Variants in HSD17B4 observed in about 807,000 individuals in gnomAD.
HSD17B4 encodes the protein peroxisomal multifunctional enzyme type 2.
Under a neutral mutation model 101.0 loss-of-function variants are expected in HSD17B4, and 70 were observed. The ratio of observed to expected loss-of-function variants is 0.69; its 90% CI spans 0.57 to 0.85. The LOEUF is 0.85. HSD17B4 is among the 40% of genes least tolerant of loss of function. HSD17B4 has a pLI of 0.00. For missense variants in HSD17B4, 984 were observed against 892.4 expected (o/e 1.10, Z -1.31); for synonymous variants, 347 against 297.1 (o/e 1.17, Z -1.73).
At chr5:119,513,847 G>A (rs951767095) in intron 16 of HSD17B4, among the ~76,000 whole-genome samples, 9 of 152,180 alleles carry the variant, frequency 5.9e-5, no homozygotes, top group African/African-American at 2.2e-4. Context: ...TCGCGGCACT[G>A]TCCATCTTAA....
chr5:119,536,695 G>A, intron 23 of HSD17B4, 145 bp downstream of exon 23: 2 of 739,798 alleles, frequency 2.7e-6, no homozygotes, highest in Non-Finnish European at 2.4e-6. Context: ...TGATACTCTG[G>A]TTGACAGGTC....
chr5:119,499,311 T>C lies in HSD17B4; in HGVS notation c.973-6T>C. On this transcript the variant is annotated splice_region_variant and splice_polypyrimidine_tract_variant and intron_variant, in intron 12 of 23. Coordinates refer to ENST00000510025, the MANE Select transcript of HSD17B4 (RefSeq NM_000414.4). ...GAAATAAATTACTTTTTAAAACTGT[T>C]CTTAGGCTGGAGCTATTGGCCAGAA... 6.3e-7 allele frequency: 1 copy of C among 1,589,640 alleles called. No individual in the cohort carries two copies. The highest frequency in any genetic ancestry group is 8.6e-7 in the Non-Finnish European group (1 of 1,157,848).
At chr5:119,523,414 C>A (rs1036722414) in intron 17 of HSD17B4, among the ~76,000 whole-genome samples, 2 of 151,974 alleles carry the variant, frequency 1.3e-5, no homozygotes, top group African/African-American at 4.8e-5. Flanking sequence ...TGAAATATGC[C>A]ATTTCTTCAA....
At chr5:119,499,737 A>C in intron 13 of HSD17B4, 184 bp downstream of exon 13, 1 of 387,538 alleles carries the variant, frequency 2.6e-6, no homozygotes, top group East Asian at 4.5e-5. Flanking sequence ...GAGTTAGTTC[A>C]AAATGCCAGC....
chr5:119,540,089 TC>T (rs779385890), intron 23 of HSD17B4, among the ~76,000 whole-genome samples: 2 of 152,040 alleles, frequency 1.3e-5, no homozygotes, highest in Admixed American at 6.6e-5. Context: ...CCTGTGTCAA[TC>T]AATCAGTAGT....
chr5:119,480,770 G>A (rs990889022), intron 8 of HSD17B4, among the ~76,000 whole-genome samples: 2 of 152,168 alleles, frequency 1.3e-5, no homozygotes, highest in Non-Finnish European at 2.9e-5. Flanking sequence ...CACCCCTGCA[G>A]TCTCAACCGT....
At chr5:119,500,606 A>G (rs1355730377) in intron 13 of HSD17B4, among the ~76,000 whole-genome samples, 3 of 152,006 alleles carry the variant, frequency 2.0e-5, no homozygotes, top group African/African-American at 7.2e-5. Flanking sequence ...GGTCCTTAGC[A>G]TTTACGTGAT....
At chr5:119,491,023 A>G (rs1385362511) in intron 9 of HSD17B4, among the ~76,000 whole-genome samples, 9 of 152,206 alleles carry the variant, frequency 5.9e-5, no homozygotes, top group Non-Finnish European at 2.9e-5. Flanking sequence ...AGAGCTGTGC[A>G]TAATATCCTG....
At chr5:119,488,301 C>T (rs139879944) in intron 8 of HSD17B4, among the ~76,000 whole-genome samples, 805 of 152,176 alleles carry the variant, frequency 5.3e-3, no homozygotes, top group Admixed American at 0.013. Flanking sequence ...TCATGTTCTT[C>T]ATGTAGTACC....
intron 22 of HSD17B4, among the ~76,000 whole-genome samples, 159 bp downstream of exon 22, chr5:119,531,563 A>G (rs1009123382): frequency 1.6e-5 from 2 of 122,352 alleles, no homozygotes; most frequent in Non-Finnish European, 3.3e-5. Flanking sequence ...GAATGTCCAA[A>G]GGGGGGTGTG....
intron 10 of HSD17B4, chr5:119,493,250 C>G (rs1035552461): frequency 3.3e-5 from 5 of 153,256 alleles, no homozygotes; most frequent in Admixed American, 3.2e-4. Context: ...AAAAATTCTC[C>G]TTATGCAGCA....
At chr5:119,512,336 G>A (rs894007412) in intron 16 of HSD17B4, among the ~76,000 whole-genome samples, 2 of 152,072 alleles carry the variant, frequency 1.3e-5, no homozygotes, top group African/African-American at 4.8e-5. Flanking sequence ...ATACATCCAA[G>A]AAGCTCAGTC....
At chr5:119,457,132 G>A (rs1754757833) in intron 2 of HSD17B4, among the ~76,000 whole-genome samples, 1 of 152,182 alleles carries the variant, frequency 6.6e-6, no homozygotes, top group African/African-American at 2.4e-5. Context: ...TAATGTGCTT[G>A]ACAGTTGGTG....
rs1418072786 is a variant in HSD17B4 at position 119,502,071 on chromosome 5, T to C, written c.1240T>C (p.Tyr414His). The C allele has an allele frequency of 6.2e-7, 1 of 1,604,066 alleles. No individual in the cohort carries two copies. The highest frequency in any genetic ancestry group is 1.1e-5 in the South Asian group (1 of 90,858). Residue 414 changes from tyrosine (Y) to histidine (H), a missense_variant, in exon 14 of 24, where the codon TAT (tyrosine) becomes CAT (histidine). Physicochemically the swap from Tyr to His is moderately conservative, Grantham distance 83. Coordinates refer to ENST00000510025, the MANE Select transcript of HSD17B4 (RefSeq NM_000414.4). ...VLHGEQYLEL[Y>H]KPLPRAGKLK... ...TCATGGAGAGCAGTACTTAGAGTTA[T>C]ATAAACCACTTCCCAGAGCAGGTGA...
intron 17 of HSD17B4, 25 bp from the exon 18 acceptor site, chr5:119,525,191 A>C (rs1284283215): frequency 6.5e-7 from 1 of 1,536,824 alleles, no homozygotes; most frequent in Admixed American, 1.7e-5. Context: ...ACTGAGTTCT[A>C]GTTATGTTTA....
chr5:119,455,830 C>T (rs978163810), intron 1 of HSD17B4, among the ~76,000 whole-genome samples: 1 of 152,052 alleles, frequency 6.6e-6, no homozygotes, highest in Non-Finnish European at 1.5e-5. Context: ...TGGAGCTGTG[C>T]CACAGCCCAA....
At chr5:119,479,163 A>G in intron 8 of HSD17B4, 142 bp downstream of exon 8, 1 of 638,642 alleles carries the variant, frequency 1.6e-6, no homozygotes, top group Non-Finnish European at 2.7e-6. Flanking sequence ...AATTGTGTTC[A>G]TTGTGGAAAA....
chr5:119,480,740 T>C (rs1749044667), intron 8 of HSD17B4, among the ~76,000 whole-genome samples: 1 of 152,280 alleles, frequency 6.6e-6, no homozygotes, highest in East Asian at 1.9e-4. Context: ...GGGAGCGCTA[T>C]GGGAGACTGG....
At chr5:119,473,775 A>G (rs1299350501) in intron 2 of HSD17B4, 133 bp from the exon 3 acceptor site, 7 of 705,900 alleles carry the variant, frequency 9.9e-6, no homozygotes, top group Non-Finnish European at 1.8e-5. Flanking sequence ...GTAAGATGGG[A>G]TAGGGTAGGA....
Sources: gnomAD v4.1 joint callset for allele counts (sites outside exome capture counted in the v4.1 genomes callset) on GRCh38, gnomAD v4.1.1 for gene constraint, MANE v1.5 for transcripts, NCBI Gene and HGNC (gene_info 2026-07-23, HGNC 2026-07-21) for gene names.